Variants in CNTN1 observed in about 807,000 individuals in gnomAD.
The protein encoded by CNTN1 is contactin-1.
Under a neutral mutation model 126.4 loss-of-function variants are expected in CNTN1, and 38 were observed. That is an observed-to-expected ratio of 0.30 (90% confidence interval 0.23 to 0.39). The LOEUF is 0.39. Among genes scored for constraint, CNTN1 ranks in the 10% least tolerant of loss-of-function variants. The pLI, the probability that CNTN1 is intolerant of heterozygous loss-of-function variation, is 1.00. For missense variants in CNTN1, 1,009 were observed against 1,248.4 expected (o/e 0.81, Z 2.89); for synonymous variants, 413 against 422.6 (o/e 0.98, Z 0.28).
chr12:40,820,643 G>T (rs183720095), intron 1 of CNTN1, among the ~76,000 whole-genome samples: 7 of 152,070 alleles, frequency 4.6e-5, no homozygotes, highest in African/African-American at 1.7e-4. Flanking sequence ...TTTTTAGGGG[G>T]ATCACAGCAT....
chr12:40,980,326 C>T (rs114992609), intron 15 of CNTN1, among the ~76,000 whole-genome samples: 2,404 of 151,990 alleles, frequency 0.016, 54 homozygotes, highest in African/African-American at 0.055. Context: ...TGCTTGTAGT[C>T]CCAGCTACTT....
At chr12:40,865,689 A>G (rs1272368187) in intron 1 of CNTN1, among the ~76,000 whole-genome samples, 1 of 152,010 alleles carries the variant, frequency 6.6e-6, no homozygotes, top group Non-Finnish European at 1.5e-5. Flanking sequence ...CTATATGTCT[A>G]TTATTACCAA....
intron 23 of CNTN1, among the ~76,000 whole-genome samples, chr12:41,050,488 T>G (rs1478711786): frequency 6.6e-6 from 1 of 152,122 alleles, no homozygotes; most frequent in Non-Finnish European, 1.5e-5. Context: ...CCAGGTCTCA[T>G]GAGAACTCAC....
In CNTN1 at chr12:41,016,685, T is replaced by C. The variant is rs778218297; in HGVS notation, c.2188T>C (p.Leu730=). 3.1e-6 allele frequency: 5 copies of C among 1,604,418 alleles called. No homozygotes were observed. The Admixed American group carries it at 8.3e-5, about 27-fold the overall frequency. Residue 730 remains leucine (L), a synonymous_variant, in exon 19 of 24, where the codon TTG becomes CTG. Transcript: ENST00000551295. ...NRELTITWAP[L]SREYHYGNNF... is the part of the protein sequence containing the mutation. ...CAATCTTTTAATTTCTATTTAGCCT[T>C]TGTCAAGAGAATACCACTATGGCAA... is the stretch of plus-strand genomic sequence containing the variant.
intron 1 of CNTN1, among the ~76,000 whole-genome samples, chr12:40,699,759 A>T (rs537901772): frequency 1.0e-4 from 9 of 90,250 alleles, no homozygotes; most frequent in African/African-American, 2.5e-4. Context: ...ATTTACAGAT[A>T]AAAAAAAAAA....
At chr12:40,834,401 A>C (rs1035162135) in intron 1 of CNTN1, among the ~76,000 whole-genome samples, 9 of 152,216 alleles carry the variant, frequency 5.9e-5, no homozygotes, top group African/African-American at 1.2e-4. Flanking sequence ...TCAAGTGGCA[A>C]ATTGATGGCT....
chr12:40,722,373 C>T (rs531405150), intron 1 of CNTN1, among the ~76,000 whole-genome samples: 2 of 152,234 alleles, frequency 1.3e-5, no homozygotes, highest in East Asian at 1.9e-4. Flanking sequence ...TTATTCCAAA[C>T]ATGTATATAC....
intron 1 of CNTN1, among the ~76,000 whole-genome samples, chr12:40,878,654 A>G (rs1478398461): frequency 6.6e-6 from 1 of 152,128 alleles, no homozygotes; most frequent in Non-Finnish European, 1.5e-5. Flanking sequence ...ACTTTTGTCT[A>G]TTTTCCATTT....
At chr12:40,831,915 T>C (rs952307566) in intron 1 of CNTN1, among the ~76,000 whole-genome samples, 2 of 152,102 alleles carry the variant, frequency 1.3e-5, no homozygotes, top group Non-Finnish European at 2.9e-5. Flanking sequence ...TCTACTGTCA[T>C]AGGAGAAATG....
At chr12:41,063,043 G>T (rs935618769) in intron 23 of CNTN1, among the ~76,000 whole-genome samples, 4 of 152,120 alleles carry the variant, frequency 2.6e-5, no homozygotes, top group African/African-American at 9.7e-5. Context: ...GACTAAATTT[G>T]CAAAGTGGCA....
chr12:40,933,546 T>C lies in CNTN1; in HGVS notation c.789T>C (p.Cys263=), dbSNP rs1352728921. 6.2e-7 allele frequency: 1 copy of C among 1,609,112 alleles called. No homozygotes were observed. The highest frequency in any genetic ancestry group is 1.7e-5 in the Admixed American group (1 of 59,854). Residue 263 remains cysteine, a synonymous_variant, in exon 8 of 24, where the codon TGT becomes TGC. Transcript: ENST00000551295. ...ALMGQNVTLE[C]FALGNPVPDI... ...TGGGCCAAAATGTGACCTTAGAATG[T>C]TTTGCACTTGGAAAGTAAGTATACT...
At chr12:41,044,997 T>C (rs1160594881) in intron 23 of CNTN1, among the ~76,000 whole-genome samples, 5 of 152,082 alleles carry the variant, frequency 3.3e-5, no homozygotes, top group African/African-American at 1.2e-4. Flanking sequence ...AAATGGATAA[T>C]CTTTTACAAT....
At chr12:40,756,118 G>T (rs1938600200) in intron 1 of CNTN1, among the ~76,000 whole-genome samples, 1 of 152,106 alleles carries the variant, frequency 6.6e-6, no homozygotes, top group African/African-American at 2.4e-5. Context: ...AGCAGGAGAG[G>T]AGCAAGGGAG....
chr12:40,917,255 A>G (rs1472507202), intron 3 of CNTN1, among the ~76,000 whole-genome samples: 1 of 152,080 alleles, frequency 6.6e-6, no homozygotes, highest in African/African-American at 2.4e-5. Context: ...AAAATTTTGA[A>G]GAGATTGGCA....
intron 15 of CNTN1, chr12:40,972,629 G>A (rs1947554995): frequency 2.2e-6 from 2 of 920,666 alleles, no homozygotes; most frequent in Admixed American, 6.2e-5. Flanking sequence ...GGCTCAAGAT[G>A]TTACTTATTT....
chr12:40,775,738 G>A (rs1169180641), intron 1 of CNTN1, among the ~76,000 whole-genome samples: 1 of 151,518 alleles, frequency 6.6e-6, no homozygotes, highest in Non-Finnish European at 1.5e-5. Context: ...TTATGTGTAG[G>A]CACCAGCAAG....
In CNTN1 at chr12:40,841,793, G is replaced by A. The variant is rs140703783; in HGVS notation, c.-76-66564G>A. Among the ~76,000 whole-genome samples, 6 of 152,032 alleles carry A rather than the reference G, an allele frequency of 3.9e-5. No homozygotes were observed. The East Asian group carries it at 7.7e-4, about 20-fold the overall frequency. On this transcript the variant is annotated intron_variant, in intron 1 of 23. Transcript: ENST00000551295. ...AATGTACCTCAACATAATAAAGGCCGTATAGGACAAACGCATAGCTAACCT... is the reference window on the plus strand; with the variant it reads ...AATGTACCTCAACATAATAAAGGCCATATAGGACAAACGCATAGCTAACCT...
intron 10 of CNTN1, 22 bp from the exon 11 acceptor site, chr12:40,937,548 G>A (rs982682268): frequency 7.1e-7 from 1 of 1,409,096 alleles, no homozygotes; most frequent in Non-Finnish European, 1.0e-6. Flanking sequence ...TTGAGAATAT[G>A]TTTCAATTTT....
chr12:40,838,113 C>T (rs1247502889), intron 1 of CNTN1, among the ~76,000 whole-genome samples: 2 of 152,228 alleles, frequency 1.3e-5, no homozygotes, highest in African/African-American at 4.8e-5. Context: ...CCCAGCCCGG[C>T]ATTGCATCTG....
Sources: gnomAD v4.1 joint callset for allele counts (sites outside exome capture counted in the v4.1 genomes callset) on GRCh38, gnomAD v4.1.1 for gene constraint, MANE v1.5 for transcripts, NCBI Gene and HGNC (gene_info 2026-07-23, HGNC 2026-07-21) for gene names.